Variants in ZPBP observed in about 807,000 individuals in gnomAD.
The protein encoded by ZPBP is zona pellucida-binding protein 1.
A neutral mutation model predicts 44.8 loss-of-function variants in ZPBP; 26 were observed. The ratio of observed to expected loss-of-function variants is 0.58; its 90% CI spans 0.43 to 0.81. The LOEUF is 0.81. Ranked by LOEUF, ZPBP falls within the 30% of genes least tolerant of loss-of-function variation. ZPBP has a pLI of 0.00. For synonymous variants in ZPBP, 174 were observed against 153.2 expected (o/e 1.14, Z -1.00); for missense variants, 409 against 434.0 (o/e 0.94, Z 0.51).
chr7:49,909,780 G>A (rs1001354193), intron 1 of ZPBP, among the ~76,000 whole-genome samples: 1 of 152,174 alleles, frequency 6.6e-6, no homozygotes, highest in Non-Finnish European at 1.5e-5. Context: ...CAGAACCTTA[G>A]GGCAGTGTCT....
At chr7:49,896,953 T>C (rs1792416257) in intron 2 of ZPBP, among the ~76,000 whole-genome samples, 1 of 146,254 alleles carries the variant, frequency 6.8e-6, no homozygotes, top group Non-Finnish European at 1.5e-5. Flanking sequence ...CAGACTGCAG[T>C]GGCGCAATCT....
At chr7:50,054,232 T>C (rs1800823249) in intron 4 of ZPBP, among the ~76,000 whole-genome samples, 1 of 151,394 alleles carries the variant, frequency 6.6e-6, no homozygotes, top group Non-Finnish European at 1.5e-5. Flanking sequence ...GCAAAACAAC[T>C]CAGAGAATTA....
chr7:49,928,884 G>A (rs764127346), intron 1 of ZPBP, among the ~76,000 whole-genome samples: 3 of 152,322 alleles, frequency 2.0e-5, no homozygotes, highest in Middle Eastern at 3.4e-3. Flanking sequence ...CTCAAAAGGA[G>A]AATAGTTATC....
At chr7:49,957,981 G>A (rs1400004537) in intron 7 of ZPBP, among the ~76,000 whole-genome samples, 1 of 152,222 alleles carries the variant, frequency 6.6e-6, no homozygotes, top group African/African-American at 2.4e-5. Context: ...GGCAGGACAA[G>A]GGGTCAAGGA....
chr7:49,970,466 C>CTTTTTTTTTTTTTTTTTTTTTTTTTTT (rs771955717), intron 7 of ZPBP, among the ~76,000 whole-genome samples: 2 of 85,200 alleles, frequency 2.3e-5, no homozygotes, highest in Non-Finnish European at 4.4e-5. Context: ...GCTGAATATA[C>CTTTTTTTTTTTTTTTTTTTTTTTTTTT]TTTTTTTTTT....
In ZPBP at chr7:50,093,090, G is replaced by A. The variant is rs1310436343; in HGVS notation, c.105C>T (p.Phe35=). The change falls in exon 1 of 8, where the codon TTC becomes TTT. Residue 35 remains phenylalanine, a synonymous_variant. Transcript: ENST00000046087. ...CACCTGATGAGGGCACCCGCACCAG[G>A]AAGGCGGAGATAAAGAGGAGGATGG... The part of the protein sequence containing the change: ...RAAILLFISA[F]LVRVPSSVGH... 6.2e-7 allele frequency: 1 copy of A among 1,600,402 alleles called. No individual in the cohort carries two copies. The highest frequency in any genetic ancestry group is 8.5e-7 in the Non-Finnish European group (1 of 1,173,838).
chr7:50,089,486 A>T (rs1168161143), intron 2 of ZPBP, 143 bp downstream of exon 2: 2 of 646,626 alleles, frequency 3.1e-6, no homozygotes, highest in Non-Finnish European at 5.5e-6. Context: ...CCATATGCAA[A>T]CAACTTTAAT....
rs144487906 is a variant in ZPBP, at chr7:50,002,448, C to T, written c.783+15792G>A. Among the ~76,000 whole-genome samples the T allele has an allele frequency of 1.2e-3, 179 of 152,240 alleles. 2 individuals are homozygous for T. The highest frequency in any genetic ancestry group is 4.1e-3 in the African/African-American group (172 of 41,536). ...TGTTTCCCAGGCTAGTCTTGAACTC[C>T]TGGGCTCTAGCGACTCATCTGCCTC... On this transcript the variant is annotated intron_variant, in intron 6 of 7. Transcript: ENST00000046087.
chr7:50,018,346 G>T (rs1410944317), intron 5 of ZPBP, 30 bp from the exon 6 acceptor site: 6 of 1,422,416 alleles, frequency 4.2e-6, no homozygotes, highest in Non-Finnish European at 5.9e-6. Context: ...TTTATCATGG[G>T]TATAATGTAT....
intron 6 of ZPBP, among the ~76,000 whole-genome samples, chr7:49,992,513 A>G (rs1484795570): frequency 1.3e-5 from 2 of 152,106 alleles, no homozygotes; most frequent in African/African-American, 4.8e-5. Context: ...CACAATAATG[A>G]AACACAATGA....
At chr7:50,008,263 A>T (rs1298319104) in intron 6 of ZPBP, among the ~76,000 whole-genome samples, 1 of 152,096 alleles carries the variant, frequency 6.6e-6, no homozygotes, top group Non-Finnish European at 1.5e-5. Flanking sequence ...TAAGAAAACA[A>T]TTCCACTTAC....
At chr7:49,951,593 G>A (rs563159198) in intron 7 of ZPBP, among the ~76,000 whole-genome samples, 1 of 149,360 alleles carries the variant, frequency 6.7e-6, no homozygotes, top group Non-Finnish European at 1.5e-5. Context: ...AGGATGTGAA[G>A]AAACAGGTAC....
downstream of ZPBP, among the ~76,000 whole-genome samples, chr7:49,932,686 T>C (rs1395516506): frequency 6.6e-6 from 1 of 152,146 alleles, no homozygotes; most frequent in Non-Finnish European, 1.5e-5. Context: ...TTTTGAAATG[T>C]GAGGACATGA....
chr7:50,008,937 G>A (rs1417138862), intron 6 of ZPBP, among the ~76,000 whole-genome samples: 4 of 152,064 alleles, frequency 2.6e-5, no homozygotes, highest in Admixed American at 6.5e-5. Flanking sequence ...AAGAGTAAAT[G>A]AAGACACATA....
intron 7 of ZPBP, among the ~76,000 whole-genome samples, chr7:49,954,492 A>G (rs759338107): frequency 4.6e-5 from 7 of 152,188 alleles, no homozygotes; most frequent in Admixed American, 3.9e-4. Context: ...TATTATCAAG[A>G]ACTTTGCAAA....
chr7:50,041,951 T>C (rs1026150687), intron 4 of ZPBP, among the ~76,000 whole-genome samples: 1 of 152,082 alleles, frequency 6.6e-6, no homozygotes. Flanking sequence ...AATTGCTAAC[T>C]AGAATAACCA....
At chr7:50,068,619 G>T (rs1008733878) in intron 3 of ZPBP, among the ~76,000 whole-genome samples, 6 of 152,020 alleles carry the variant, frequency 3.9e-5, no homozygotes, top group Non-Finnish European at 7.4e-5. Flanking sequence ...TTTCCGTAAG[G>T]GTTGCTGCTA....
At chr7:49,882,301 T>G (rs187372550) in intron 2 of ZPBP, among the ~76,000 whole-genome samples, 1 of 152,292 alleles carries the variant, frequency 6.6e-6, no homozygotes, top group Admixed American at 6.5e-5. Context: ...CTGCTAAGCC[T>G]TCCTCACTTT....
chr7:50,024,478 CAG>C (rs966424990), intron 5 of ZPBP, among the ~76,000 whole-genome samples: 12 of 139,920 alleles, frequency 8.6e-5, no homozygotes, highest in Non-Finnish European at 1.6e-4. Context: ...CACACACACA[CAG>C]AGGAATATTA....
Sources: gnomAD v4.1 joint callset for allele counts (sites outside exome capture counted in the v4.1 genomes callset) on GRCh38, gnomAD v4.1.1 for gene constraint, MANE v1.5 for transcripts, NCBI Gene and HGNC (gene_info 2026-07-23, HGNC 2026-07-21) for gene names.